KCNMA1: variants seen among roughly 807,000 people sequenced by gnomAD.
KCNMA1 encodes the protein Calcium-activated potassium channel subunit alpha-1.
A neutral mutation model predicts 140.0 loss-of-function variants in KCNMA1; 29 were observed. The ratio of observed to expected loss-of-function variants is 0.21; its 90% confidence interval spans 0.15 to 0.28. The LOEUF (loss-of-function observed/expected upper bound fraction) is 0.28, where lower values mean the gene tolerates loss of function less well. Ranked by LOEUF, KCNMA1 falls within the 10% of genes least tolerant of loss-of-function variation. KCNMA1 has a pLI of 1.00. For missense variants in KCNMA1, 880 were observed against 1,602.2 expected (o/e 0.55, Z 7.70); for synonymous variants, 612 against 611.9 (o/e 1.00, Z 0.00).
intron 19 of KCNMA1, among the ~76,000 whole-genome samples, chr10:76,998,335 G>GA (rs962777148): frequency 7.3e-5 from 11 of 151,142 alleles, no homozygotes; most frequent in Non-Finnish European, 8.9e-5. Flanking sequence ...CCCCTTATAA[G>GA]AAAAAAAATA....
chr10:77,135,521 C>A (rs961831538), intron 5 of KCNMA1, among the ~76,000 whole-genome samples: 1 of 152,182 alleles, frequency 6.6e-6, no homozygotes, highest in Non-Finnish European at 1.5e-5. Context: ...ATGAAATCAA[C>A]GTGCTGAAGA....
At chr10:77,225,931 A>C (rs1565339105) in intron 3 of KCNMA1, among the ~76,000 whole-genome samples, 7 of 152,286 alleles carry the variant, frequency 4.6e-5, no homozygotes, top group Admixed American at 4.6e-4. Context: ...AAGGCCGCAG[A>C]TCCAAGCTTA....
intron 1 of KCNMA1, among the ~76,000 whole-genome samples, chr10:77,426,808 C>T (rs958309100): frequency 1.3e-5 from 2 of 152,210 alleles, no homozygotes; most frequent in Non-Finnish European, 2.9e-5. Flanking sequence ...AGCCTGCACA[C>T]CTCCCTCTGC....
chr10:77,197,383 A>G (rs1437779543), intron 3 of KCNMA1, among the ~76,000 whole-genome samples: 3 of 152,238 alleles, frequency 2.0e-5, no homozygotes, highest in Admixed American at 2.0e-4. Flanking sequence ...AGGACTGATG[A>G]TCAGGTAGGT....
intron 19 of KCNMA1, among the ~76,000 whole-genome samples, chr10:76,988,738 A>G (rs932064544): frequency 6.6e-6 from 1 of 152,136 alleles, no homozygotes; most frequent in African/African-American, 2.4e-5. Context: ...GCCATAAAGA[A>G]GGGGTTTCAG....
chr10:77,091,851 T>C (rs2096826490), intron 9 of KCNMA1: 2 of 152,240 alleles, frequency 1.3e-5, no homozygotes, highest in Admixed American at 6.5e-5. Flanking sequence ...TGCCCTTTCG[T>C]TGTAATTTGG....
Position 76,919,616 on chromosome 10 carries a change from G to A in KCNMA1, c.2903-4567C>T, listed in dbSNP as rs570004755. Among the ~76,000 whole-genome samples the A allele has an allele frequency of 3.3e-5, 5 of 152,270 alleles. No individual in the cohort carries two copies. The South Asian group carries it at 8.3e-4, about 25-fold the overall frequency. On this transcript the variant is annotated intron_variant, in intron 23 of 27. Transcript: ENST00000286628. ...AATGAAATTGTTAACAGCATGGGCT[G>A]TAAAGTCAGGTGTCCTGGATTCAAA...
chr10:77,544,724 C>G (rs1207520148), intron 1 of KCNMA1, among the ~76,000 whole-genome samples: 2 of 152,020 alleles, frequency 1.3e-5, no homozygotes, highest in African/African-American at 2.4e-5. Flanking sequence ...TCCTGAGGTC[C>G]CCCAGCTAGT....
chr10:76,955,624 T>C (rs1031441001), intron 20 of KCNMA1, among the ~76,000 whole-genome samples: 5 of 152,210 alleles, frequency 3.3e-5, no homozygotes, highest in African/African-American at 1.2e-4. Context: ...TCTTGAGGTA[T>C]GTAAACCACC....
intron 3 of KCNMA1, among the ~76,000 whole-genome samples, chr10:77,248,673 T>G (rs372702595): frequency 9.8e-4 from 149 of 152,338 alleles, no homozygotes; most frequent in African/African-American, 3.5e-3. Context: ...ACATTCTACT[T>G]TCTCACTTTC....
chr10:77,199,148 CTT>C (rs1338309771), intron 3 of KCNMA1, among the ~76,000 whole-genome samples: 2 of 152,172 alleles, frequency 1.3e-5, no homozygotes, highest in Non-Finnish European at 2.9e-5. Flanking sequence ...TTTATTCTCT[CTT>C]ATAGATTAAA....
At chr10:77,585,142 G>T (rs1206217927) in intron 1 of KCNMA1, among the ~76,000 whole-genome samples, 3 of 152,202 alleles carry the variant, frequency 2.0e-5, no homozygotes, top group Non-Finnish European at 1.5e-5. Flanking sequence ...GATGACAGGA[G>T]TACCAAGAGG....
intron 1 of KCNMA1, among the ~76,000 whole-genome samples, chr10:77,476,523 C>G (rs2098282144): frequency 6.6e-6 from 1 of 152,224 alleles, no homozygotes; most frequent in Admixed American, 6.5e-5. Flanking sequence ...AGGGATCCCT[C>G]TCTTCAGGGT....
At chr10:77,300,358 A>T (rs1478022924) in intron 2 of KCNMA1, among the ~76,000 whole-genome samples, 1 of 152,196 alleles carries the variant, frequency 6.6e-6, no homozygotes, top group Non-Finnish European at 1.5e-5. Context: ...TAAGCTATTC[A>T]ATCTGTGCCT....
chr10:77,408,460 GT>G (rs978357891), intron 1 of KCNMA1, among the ~76,000 whole-genome samples: 2 of 151,854 alleles, frequency 1.3e-5, no homozygotes, highest in African/African-American at 2.4e-5. Flanking sequence ...GTGTGTGTGC[GT>G]TTGTGTGCAC....
intron 1 of KCNMA1, among the ~76,000 whole-genome samples, chr10:77,455,966 T>C (rs1450309243): frequency 6.6e-6 from 1 of 152,254 alleles, no homozygotes; most frequent in African/African-American, 2.4e-5. Context: ...AGGGCTTTTG[T>C]GTGGCTGATG....
At chr10:77,445,215 A>AT (rs1455234208) in intron 1 of KCNMA1, among the ~76,000 whole-genome samples, 1 of 152,132 alleles carries the variant, frequency 6.6e-6, no homozygotes, top group African/African-American at 2.4e-5. Context: ...AAGCTCCAAG[A>AT]CTATCTGGCA....
chr10:77,544,150 C>CTGTG (rs35370605), intron 1 of KCNMA1, among the ~76,000 whole-genome samples: 10,046 of 142,406 alleles, frequency 0.071, 550 homozygotes, highest in African/African-American at 0.15. Flanking sequence ...ATCTTTCCAG[C>CTGTG]TGTGTGTGTG....
intron 1 of KCNMA1, among the ~76,000 whole-genome samples, chr10:77,571,544 A>C (rs1441792255): frequency 6.6e-6 from 1 of 152,174 alleles, no homozygotes; most frequent in Non-Finnish European, 1.5e-5. Context: ...GCCAAAGCCA[A>C]AACAGATAAG....
Sources: allele counts gnomAD v4.1 joint callset (sites outside exome capture counted in the v4.1 genomes callset), GRCh38; gene constraint gnomAD v4.1.1; transcripts MANE v1.5; gene names NCBI Gene and HGNC (gene_info 2026-07-23, HGNC 2026-07-21).